Variants in FSIP2 observed in about 807,000 individuals in gnomAD.
FSIP2 encodes the protein fibrous sheath interacting protein 2, also known as fibrous sheath-interacting protein 2.
A neutral mutation model predicts 510.5 loss-of-function variants in FSIP2; 367 were observed. That is an observed-to-expected ratio of 0.72 (90% CI 0.66 to 0.78). The LOEUF is 0.78. Among genes scored for constraint, FSIP2 ranks in the 30% least tolerant of loss-of-function variants. FSIP2 has a pLI of 0.00. For missense variants in FSIP2, 7,594 were observed against 7,901.7 expected (o/e 0.96, Z 1.48); for synonymous variants, 2,601 against 2,732.2 (o/e 0.95, Z 1.50).
intron 13 of FSIP2, among the ~76,000 whole-genome samples, chr2:185,768,660 A>C (rs1001899950): frequency 6.6e-6 from 1 of 152,064 alleles, no homozygotes; most frequent in Admixed American, 6.6e-5. Flanking sequence ...TGAGTCATAC[A>C]TGTGCGGGTT....
intron 14 of FSIP2, chr2:185,784,270 CTT>C (rs1692915137): frequency 6.6e-6 from 1 of 152,022 alleles, no homozygotes; most frequent in Non-Finnish European, 1.5e-5. Flanking sequence ...TGATAAGTAA[CTT>C]TGTATTACAG....
In FSIP2 at chr2:185,824,485, G is replaced by T; in HGVS notation, c.20473+5G>T. On this transcript the variant is annotated splice_donor_5th_base_variant and intron_variant, in intron 20 of 22. Transcript: ENST00000424728. ...CAAGTGCTAAAATATTAGAAGGTTG[G>T]ACTCCTTTTTCTTAAATTAGAGAGT... 6.5e-7 allele frequency: 1 copy of T among 1,549,038 alleles called. No homozygotes were observed. Among genetic ancestry groups the T allele is most frequent in the Admixed American group, 1.8e-5 (1 of 56,034 alleles).
At chr2:185,749,795 T>G (rs1361836883) in intron 7 of FSIP2, among the ~76,000 whole-genome samples, 1 of 151,378 alleles carries the variant, frequency 6.6e-6, no homozygotes, top group African/African-American at 2.4e-5. Flanking sequence ...TAGGTATGGG[T>G]TTTTTTTACA....
Position 185,805,781 on chromosome 2 carries a change from T to G in FSIP2, c.16475T>G (p.Leu5492Arg), listed in dbSNP as rs761303301. ...VKKGDIQNPVLSSINAIMKSG... is the reference protein window; with the variant it reads ...VKKGDIQNPVRSSINAIMKSG... ...AAAGGTGACATCCAAAATCCAGTAC[T>G]TAGCTCTATAAATGCAATTATGAAA... The change falls in exon 17 of 23, where the codon CTT becomes CGT. Residue 5492 changes from leucine to arginine, a missense_variant. Physicochemically the swap from Leu to Arg is moderately radical, Grantham distance 102. Transcript: ENST00000424728. 7.5e-6 allele frequency: 12 copies of G among 1,604,068 alleles called. No individual in the cohort carries two copies. The South Asian group carries it at 1.2e-4, about 17-fold the overall frequency.
chr2:185,753,144 G>A lies in FSIP2; in HGVS notation c.871-578G>A, dbSNP rs1692181229. Among the ~76,000 whole-genome samples, 5 of 151,264 alleles carry A rather than the reference G, an allele frequency of 3.3e-5. 1 individual carries two copies. In the South Asian group the frequency reaches 1.0e-3, roughly 31 times the overall value. On this transcript the variant is annotated intron_variant, in intron 7 of 22. Coordinates refer to ENST00000424728, the MANE Select transcript of FSIP2 (RefSeq NM_173651.4). The stretch of plus-strand genomic sequence containing the variant: ...AGGCATGTTTTCTATCCCTAGATAG[G>A]TTGCAGTGACTGTTTTCTCCAGTCC...
chr2:185,787,608 T>C (rs548506361), intron 15 of FSIP2, among the ~76,000 whole-genome samples: 11 of 151,804 alleles, frequency 7.2e-5, no homozygotes, highest in Admixed American at 2.0e-4. Context: ...TACTTTATTA[T>C]ATGTAAGATG....
chr2:185,774,142 C>CT (rs1360071505), intron 13 of FSIP2, among the ~76,000 whole-genome samples: 1 of 152,024 alleles, frequency 6.6e-6, no homozygotes, highest in Non-Finnish European at 1.5e-5. Context: ...GCACAGTAAT[C>CT]TTTTTTTCTA....
rs752874130 is a variant in FSIP2, at chr2:185,790,807, T to C, written c.3671T>C (p.Phe1224Ser). The C allele has an allele frequency of 2.0e-6, 3 of 1,533,070 alleles. No homozygotes were observed. In the South Asian group the frequency reaches 3.6e-5, roughly 18 times the overall value. 95.0% of individuals were successfully genotyped at this position (1,533,070 alleles called of 1,614,324 possible). A position where few individuals can be genotyped will look rare whatever the true frequency, so the allele number is the denominator to read the frequency against. Residue 1224 changes from phenylalanine (F) to serine (S), a missense_variant, in exon 16 of 23, where the codon TTT (phenylalanine) becomes TCT (serine). By Grantham distance (155) the Phe-to-Ser change is radical. Transcript: ENST00000424728. ...AATAAATACCCATTAAAAACATGGTTTGACAGTGAAAAGAAAATGAAATAT... is the reference window on the plus strand; with the variant it reads ...AATAAATACCCATTAAAAACATGGTCTGACAGTGAAAAGAAAATGAAATAT... ...APNKYPLKTW[F>S]DSEKKMKYLS...
chr2:185,828,230 T>C lies in FSIP2; in HGVS notation c.20517+31T>C, dbSNP rs779058182. ...TATTTTTAACTAGCCTTAGTTGATA[T>C]ATATTAGGAGCTAGTTCAGAACAAC... On this transcript the variant is annotated intron_variant, in intron 21 of 22. Transcript: ENST00000424728. The C allele has an allele frequency of 1.5e-5, 19 of 1,245,164 alleles. 1 individual carries two copies. In the East Asian group the frequency reaches 1.6e-4, roughly 11 times the overall value. 77.1% of individuals were successfully genotyped at this position (1,245,164 alleles called of 1,614,324 possible).
At position 185,806,389 on chromosome 2, in the gene FSIP2, C is replaced by G; in HGVS notation, c.17083C>G (p.Pro5695Ala). ...FEDVLELSSS[P>A]EPAYYSKLSY... ...AGATGTTTTAGAACTATCTTCTTCT[C>G]CAGAACCAGCATATTATTCGAAACT... Residue 5695 changes from proline to alanine, a missense_variant, in exon 17 of 23, where the codon CCA becomes GCA. Transcript: ENST00000424728. 1 of 1,611,700 alleles carries G rather than the reference C, an allele frequency of 6.2e-7. No individual in the cohort carries two copies. Among genetic ancestry groups the G allele is most frequent in the African/African-American group, 1.3e-5 (1 of 74,882 alleles).
chr2:185,790,028 T>C lies in FSIP2; in HGVS notation c.2892T>C (p.Ser964=), dbSNP rs1559025476. The C allele has an allele frequency of 1.3e-6, 2 of 1,533,696 alleles. No individual in the cohort carries two copies. The highest frequency in any genetic ancestry group is 2.4e-5 in the South Asian group (2 of 83,948). Residue 964 remains serine (S), a synonymous_variant, in exon 16 of 23, where the codon AGT becomes AGC. Transcript: ENST00000424728. ...AAAGTAGGCAACCTAGAATAAGTAG[T>C]CCTTCTGACACCAAAGAAAAGTACA... ...FQKSRQPRIS[S]PSDTKEKYRL...
At position 185,791,110 on chromosome 2, in the gene FSIP2, C is replaced by G. The variant is rs1018537321; in HGVS notation, c.3974C>G (p.Thr1325Ser). Residue 1325 changes from threonine (T) to serine (S), a missense_variant, in exon 16 of 23, where the codon ACC becomes AGC. Coordinates refer to ENST00000424728, the MANE Select transcript of FSIP2 (RefSeq NM_173651.4). ...CTAAATCTTAGGGAGATTGACCATACCAAATCCCTTACAGATAAAGGATTT... is the reference window on the plus strand; with the variant it reads ...CTAAATCTTAGGGAGATTGACCATAGCAAATCCCTTACAGATAAAGGATTT... ...ENLNLREIDH[T>S]KSLTDKGFFA... The G allele has an allele frequency of 3.3e-6, 5 of 1,531,510 alleles. No homozygotes were observed. Among genetic ancestry groups the G allele is most frequent in the Non-Finnish European group, 4.4e-6 (5 of 1,143,860 alleles). The allele number at this position is 1,531,510 out of a possible 1,614,324, so 94.9% of individuals were successfully genotyped here. A position where few individuals can be genotyped will look rare whatever the true frequency, so the allele number is the denominator to read the frequency against.
At chr2:185,781,410 T>C (rs1004574167) in intron 13 of FSIP2, among the ~76,000 whole-genome samples, 7 of 152,232 alleles carry the variant, frequency 4.6e-5, no homozygotes, top group African/African-American at 1.7e-4. Flanking sequence ...ATTAAATGCA[T>C]TTCCAACTTA....
chr2:185,814,667 TGGTCCTGC>T (rs1267365110), intron 18 of FSIP2, among the ~76,000 whole-genome samples: 4 of 152,058 alleles, frequency 2.6e-5, no homozygotes, highest in African/African-American at 7.2e-5. Context: ...CTTTTGAGTT[TGGTCCTGC>T]AGTATAATCT....
At position 185,807,714 on chromosome 2, in the gene FSIP2, A is replaced by C; in HGVS notation, c.18408A>C (p.Gly6136=). The part of the protein sequence containing the change: ...ASNQLQSYFC[G]ELTPHQCVEV... The stretch of plus-strand genomic sequence containing the variant: ...ATCAGCTGCAGAGCTATTTTTGTGG[A>C]GAGCTAACTCCACATCAGTGTGTGG... The change falls in exon 17 of 23, where the codon GGA becomes GGC. Residue 6136 remains glycine (G), a synonymous_variant. Transcript: ENST00000424728. 3 of 1,612,664 alleles carry C rather than the reference A, an allele frequency of 1.9e-6. No individual in the cohort carries two copies. The highest frequency in any genetic ancestry group is 4.5e-5 in the East Asian group (2 of 44,804).
chr2:185,794,632 G>T lies in FSIP2; in HGVS notation c.7496G>T (p.Arg2499Met), dbSNP rs2161036. 0.54 allele frequency: 830,079 copies of T among 1,531,142 alleles called. 226,582 individuals are homozygous for T. The highest frequency in any genetic ancestry group is 0.64 in the South Asian group (53,199 of 83,286). 94.8% of individuals were successfully genotyped at this position (1,531,142 alleles called of 1,614,324 possible). Residue 2499 changes from arginine (R) to methionine (M), a missense_variant, in exon 16 of 23, where the codon AGG (arginine) becomes ATG (methionine). By Grantham distance (91) the Arg-to-Met change is moderately conservative (BLOSUM62 -1). Transcript: ENST00000424728. ...TTGAATAAGTTGTATCAAAGAGTAA[G>T]GGAAGTCACAGGCCATTTGCCTCCA... Reference protein sequence around the residue: ...ELLNKLYQRVREVTGHLPPLN... With the variant: ...ELLNKLYQRVMEVTGHLPPLN...
intron 13 of FSIP2, among the ~76,000 whole-genome samples, chr2:185,773,869 G>C (rs996786975): frequency 6.6e-6 from 1 of 151,906 alleles, no homozygotes; most frequent in East Asian, 1.9e-4. Flanking sequence ...GTTGAGTTTT[G>C]TCTGCTTTTA....
At chr2:185,827,743 C>G (rs771325123) in intron 20 of FSIP2, among the ~76,000 whole-genome samples, 3 of 151,862 alleles carry the variant, frequency 2.0e-5, no homozygotes, top group South Asian at 2.1e-4. Context: ...TTCTAATAAG[C>G]TGCTTTTAAG....
rs1574199891 is a variant in FSIP2 at position 185,808,371 on chromosome 2, C to A, written c.19065C>A (p.Phe6355Leu). 1 of 1,611,372 alleles carries A rather than the reference C, an allele frequency of 6.2e-7. No individual in the cohort carries two copies. Among genetic ancestry groups the A allele is most frequent in the Non-Finnish European group, 8.5e-7 (1 of 1,179,076 alleles). Residue 6355 changes from phenylalanine (F) to leucine (L), a missense_variant, in exon 17 of 23, where the codon TTC (phenylalanine) becomes TTA (leucine). Physicochemically the swap from Phe to Leu is conservative, Grantham distance 22. Coordinates refer to ENST00000424728, the MANE Select transcript of FSIP2 (RefSeq NM_173651.4). ...AKLLEEVLAL[F>L]LAKLIRLPSS... ...TTTTAGAAGAGGTGTTGGCCTTGTT[C>A]TTGGCTAAACTAATAAGGTTGCCAA...
Sources: allele counts gnomAD v4.1 joint callset (sites outside exome capture counted in the v4.1 genomes callset), GRCh38; gene constraint gnomAD v4.1.1; transcripts MANE v1.5; gene names NCBI Gene and HGNC (gene_info 2026-07-23, HGNC 2026-07-21).